Variants in SLC20A2 observed in about 807,000 individuals in gnomAD.
SLC20A2 encodes sodium-dependent phosphate transporter 2.
A neutral mutation model predicts 61.0 loss-of-function variants in SLC20A2; 30 were observed. That is an observed-to-expected ratio of 0.49 (90% CI 0.37 to 0.67). The LOEUF (loss-of-function observed/expected upper bound fraction) is 0.67. Ranked by LOEUF, SLC20A2 falls within the 30% of genes least tolerant of loss-of-function variation. The pLI is 0.00. For missense variants in SLC20A2, 626 were observed against 866.4 expected (o/e 0.72, Z 3.48); for synonymous variants, 351 against 353.3 (o/e 0.99, Z 0.07).
At chr8:42,462,954 A>T in intron 4 of SLC20A2, 51 bp downstream of exon 4, 1 of 1,139,800 alleles carries the variant, frequency 8.8e-7, no homozygotes, top group Non-Finnish European at 1.3e-6. Context: ...TCTACTGAGT[A>T]GAGCCAAAAA....
chr8:42,506,129 CG>C (rs1287239859), upstream of SLC20A2, among the ~76,000 whole-genome samples: 1 of 151,986 alleles, frequency 6.6e-6, no homozygotes, highest in Admixed American at 6.6e-5. Context: ...TTAGTAGAGA[CG>C]GGGTTTCGCC....
At position 42,521,570 on chromosome 8, in the gene SLC20A2, G is replaced by C. The variant is rs890863632; in HGVS notation, c.-265+20251C>G. Among the ~76,000 whole-genome samples the C allele has an allele frequency of 1.7e-5, 2 of 120,240 alleles. 1 individual carries two copies. The highest frequency in any genetic ancestry group is 1.7e-4 in the Admixed American group (2 of 11,856). 78.9% of individuals were successfully genotyped at this position (120,240 alleles called of 152,430 possible). A position where few individuals can be genotyped will look rare whatever the true frequency, so the allele number is the denominator to read the frequency against. On this transcript the variant is annotated intron_variant, in intron 1 of 10. Transcript: ENST00000342228. ...AATGGCACCATCATCGCTCACTGCA[G>C]CCTCAACCTCCTGGGCTCAAGTGAT...
At chr8:42,477,291 G>A (rs1808197347) in intron 1 of SLC20A2, among the ~76,000 whole-genome samples, 2 of 152,110 alleles carry the variant, frequency 1.3e-5, no homozygotes. Flanking sequence ...TAACAAATGA[G>A]AGGTTCCAGA....
intron 2 of SLC20A2, 149 bp downstream of exon 2, chr8:42,471,953 G>A: frequency 1.2e-5 from 8 of 675,264 alleles, no homozygotes; most frequent in Non-Finnish European, 1.8e-5. Flanking sequence ...TTAATATGCA[G>A]AAAGCAAAAA....
chr8:42,455,257 T>TAGAGAGAGAG (rs71548583), intron 5 of SLC20A2, among the ~76,000 whole-genome samples: 23 of 81,618 alleles, frequency 2.8e-4, no homozygotes, highest in African/African-American at 9.2e-4. Flanking sequence ...TATATATATA[T>TAGAGAGAGAG]AGAGAGAGAG....
chr8:42,498,768 T>G (rs1371334912), intron 1 of SLC20A2, among the ~76,000 whole-genome samples: 2 of 151,940 alleles, frequency 1.3e-5, no homozygotes, highest in African/African-American at 4.8e-5. Context: ...AGATTTCCTT[T>G]AGAGAGAGAA....
chr8:42,476,993 G>C (rs12543287), intron 1 of SLC20A2, among the ~76,000 whole-genome samples: 46,385 of 151,770 alleles, frequency 0.31, 8,090 homozygotes, highest in Admixed American at 0.44. Context: ...TAAACGCAAA[G>C]GCCAAAGCTC....
chr8:42,532,236 T>A (rs1812381335), intron 1 of SLC20A2, among the ~76,000 whole-genome samples: 1 of 152,224 alleles, frequency 6.6e-6, no homozygotes, highest in Non-Finnish European at 1.5e-5. Context: ...ATACTTTTTA[T>A]TCTTTTCAGG....
intron 1 of SLC20A2, among the ~76,000 whole-genome samples, chr8:42,485,355 G>C (rs1240427650): frequency 2.0e-5 from 3 of 152,024 alleles, no homozygotes; most frequent in Non-Finnish European, 4.4e-5. Flanking sequence ...GAAAACTTGG[G>C]GCTAGGCCGA....
chr8:42,523,439 T>A (rs1246325938), intron 1 of SLC20A2, among the ~76,000 whole-genome samples: 15 of 152,200 alleles, frequency 9.9e-5, no homozygotes, highest in Non-Finnish European at 2.1e-4. Context: ...AGTAAATGGG[T>A]ATTTAAAAGG....
Position 42,531,904 on chromosome 8 carries a change from G to A in SLC20A2, c.-265+9917C>T, listed in dbSNP as rs201783874. On this transcript the variant is annotated intron_variant, in intron 1 of 10. Transcript: ENST00000342228. ...CGCGATCTCAGCTCACTGCAACCTCGGCCTCCCGGGTTCAAGAAATTCTCC... is the reference window on the plus strand; with the variant it reads ...CGCGATCTCAGCTCACTGCAACCTCAGCCTCCCGGGTTCAAGAAATTCTCC... 6.4e-4 allele frequency among the ~76,000 whole-genome samples: 97 copies of A among 150,536 alleles called. No homozygotes were observed. In the East Asian group the frequency reaches 7.4e-3, roughly 12 times the overall value.
At chr8:42,447,958 G>A (rs1805356953) in intron 5 of SLC20A2, among the ~76,000 whole-genome samples, 1 of 152,208 alleles carries the variant, frequency 6.6e-6, no homozygotes, top group Non-Finnish European at 1.5e-5. Context: ...ACCCAAAGCT[G>A]AGAGCCGCTT....
At chr8:42,442,224 T>A (rs1181252496) in intron 6 of SLC20A2, among the ~76,000 whole-genome samples, 1 of 152,234 alleles carries the variant, frequency 6.6e-6, no homozygotes, top group Non-Finnish European at 1.5e-5. Flanking sequence ...TGAGCCACCA[T>A]GCCTGGCCCA....
intron 1 of SLC20A2, among the ~76,000 whole-genome samples, chr8:42,478,044 C>A (rs904929614): frequency 5.9e-5 from 9 of 151,370 alleles, no homozygotes; most frequent in African/African-American, 2.2e-4. Flanking sequence ...CACCACCACA[C>A]CCAGCTAATT....
chr8:42,519,741 G>A (rs770881734), intron 1 of SLC20A2, among the ~76,000 whole-genome samples: 3 of 152,180 alleles, frequency 2.0e-5, no homozygotes, highest in Non-Finnish European at 4.4e-5. Flanking sequence ...ATGTCTTTAT[G>A]TTGGCTTTTG....
chr8:42,456,686 C>T (rs1196697612), intron 5 of SLC20A2, among the ~76,000 whole-genome samples: 45 of 143,778 alleles, frequency 3.1e-4, no homozygotes, highest in East Asian at 2.2e-4. Context: ...GAGCTGAGAT[C>T]ATGCCATTGC....
intron 2 of SLC20A2, among the ~76,000 whole-genome samples, chr8:42,471,718 T>C (rs568264995): frequency 6.6e-6 from 1 of 152,222 alleles, no homozygotes; most frequent in South Asian, 2.1e-4. Flanking sequence ...AAGAAAAAAA[T>C]CTAAATCAAC....
At chr8:42,478,740 C>T (rs1276887227) in intron 1 of SLC20A2, among the ~76,000 whole-genome samples, 1 of 152,068 alleles carries the variant, frequency 6.6e-6, no homozygotes, top group Non-Finnish European at 1.5e-5. Flanking sequence ...TACAGTCTAC[C>T]TCAATAAAAG....
intron 1 of SLC20A2, among the ~76,000 whole-genome samples, chr8:42,488,472 G>A (rs1809226903): frequency 6.6e-6 from 1 of 152,088 alleles, no homozygotes; most frequent in Admixed American, 6.5e-5. Flanking sequence ...ACAGGCGTGA[G>A]CCACTGCACC....
Sources: allele counts gnomAD v4.1 joint callset (sites outside exome capture counted in the v4.1 genomes callset), GRCh38; gene constraint gnomAD v4.1.1; transcripts MANE v1.5; gene names NCBI Gene and HGNC (gene_info 2026-07-23, HGNC 2026-07-21).